The following TRPC4AP variants were observed in gnomAD, a reference collection of about 807,000 sequenced individuals.
The protein encoded by TRPC4AP is short transient receptor potential channel 4-associated protein.
A neutral mutation model predicts 99.0 loss-of-function variants in TRPC4AP; 45 were observed. The ratio of observed to expected loss-of-function variants is 0.45; its 90% CI spans 0.36 to 0.58. The LOEUF (loss-of-function observed/expected upper bound fraction) is 0.58. TRPC4AP is among the 20% of genes least tolerant of loss of function. The probability of loss-of-function intolerance (pLI) is 0.00; values close to 1 mark genes in which losing one functional copy is unlikely to be tolerated. For missense variants in TRPC4AP, 879 were observed against 985.3 expected (o/e 0.89, Z 1.44); for synonymous variants, 408 against 385.8 (o/e 1.06, Z -0.67).
intron 6 of TRPC4AP, 76 bp downstream of exon 6, chr20:35,049,790 G>A: frequency 1.1e-5 from 16 of 1,482,934 alleles, no homozygotes; most frequent in Non-Finnish European, 1.4e-5. Flanking sequence ...AAAAAGCTCT[G>A]TATATTATTC....
intron 1 of TRPC4AP, among the ~76,000 whole-genome samples, chr20:35,080,436 G>A (rs933086798): frequency 1.3e-5 from 2 of 151,696 alleles, no homozygotes; most frequent in Non-Finnish European, 2.9e-5. Flanking sequence ...AGGAGGCAGA[G>A]GTTGCAGTGA....
intron 10 of TRPC4AP, among the ~76,000 whole-genome samples, chr20:35,015,434 AG>A (rs926367982): frequency 2.7e-5 from 4 of 150,098 alleles, no homozygotes; most frequent in African/African-American, 9.8e-5. Flanking sequence ...TACAAGGGGA[AG>A]TTGGCTAGAG....
chr20:35,038,536 T>C (rs997293382), intron 7 of TRPC4AP, among the ~76,000 whole-genome samples: 15 of 152,158 alleles, frequency 9.9e-5, no homozygotes, highest in African/African-American at 3.6e-4. Flanking sequence ...CAAGATAAGT[T>C]TAATAAAAAG....
intron 7 of TRPC4AP, among the ~76,000 whole-genome samples, chr20:35,039,746 C>T (rs1410052761): frequency 1.3e-5 from 2 of 152,070 alleles, no homozygotes; most frequent in African/African-American, 4.8e-5. Context: ...TCTTGAAAGA[C>T]GTTACTTTCC....
At position 35,006,626 on chromosome 20, in the gene TRPC4AP, G is replaced by C. The variant is rs751488175; in HGVS notation, c.1687-51C>G. The C allele has an allele frequency of 2.5e-6, 4 of 1,594,864 alleles. No individual in the cohort carries two copies. In the African/African-American group the frequency reaches 4.0e-5, roughly 16 times the overall value. On this transcript the variant is annotated intron_variant, in intron 14 of 18. Transcript: ENST00000252015. ...GTGTCAACGTGGCTGCCCCCACCAG[G>C]GCCTGGCATGGAGCTCAGACCATGC...
At chr20:35,084,736 GTATATA>G (rs1402833468) in intron 1 of TRPC4AP, among the ~76,000 whole-genome samples, 1 of 144,206 alleles carries the variant, frequency 6.9e-6, no homozygotes, top group Non-Finnish European at 1.5e-5. Flanking sequence ...ATGTGTATAT[GTATATA>G]TGTTTATATG....
intron 7 of TRPC4AP, among the ~76,000 whole-genome samples, chr20:35,039,936 C>A (rs2083409064): frequency 6.6e-6 from 1 of 150,976 alleles, no homozygotes; most frequent in African/African-American, 2.4e-5. Flanking sequence ...TGTAAATTAT[C>A]TGAGCCCCAG....
At chr20:35,057,068 A>C (rs1381980498) in intron 4 of TRPC4AP, among the ~76,000 whole-genome samples, 1 of 152,012 alleles carries the variant, frequency 6.6e-6, no homozygotes, top group Non-Finnish European at 1.5e-5. Context: ...TTACCCATAT[A>C]TCTACCACCC....
intron 2 of TRPC4AP, among the ~76,000 whole-genome samples, chr20:35,071,452 C>G (rs1380936127): frequency 8.0e-6 from 1 of 125,280 alleles, no homozygotes; most frequent in East Asian, 2.9e-4. Context: ...CCATGCCAGG[C>G]CCTGGTGTGT....
chr20:35,054,845 T>C (rs559336188), intron 5 of TRPC4AP, 131 bp downstream of exon 5: 2 of 765,036 alleles, frequency 2.6e-6, no homozygotes, highest in Admixed American at 2.9e-5. Flanking sequence ...CAGGCACACA[T>C]AAAATAAGCC....
Position 35,021,205 on chromosome 20 carries a change from C to T in TRPC4AP, c.1203G>A (p.Gly401=), listed in dbSNP as rs758175776. ...VLYVLCVLLM[G]RQRNQVHRMI... ...AGGGGCCCACCTGGTTTCGCTGACG[C>T]CCCATCAGCAGCACGCAGAGGACAT... is the stretch of plus-strand genomic sequence containing the variant. Residue 401 remains glycine, a synonymous_variant, in exon 9 of 19, where the codon GGG becomes GGA. Transcript: ENST00000252015. 17 of 1,612,840 alleles carry T rather than the reference C, an allele frequency of 1.1e-5. No individual in the cohort carries two copies. In the South Asian group the frequency reaches 1.6e-4, roughly 16 times the overall value.
chr20:35,047,170 T>C (rs1468405834), intron 6 of TRPC4AP, among the ~76,000 whole-genome samples: 5 of 147,566 alleles, frequency 3.4e-5, no homozygotes, highest in Admixed American at 6.6e-5. Context: ...TGGCCAAGAA[T>C]TTACTTCTTA....
At chr20:35,019,740 A>C (rs1429969963) in intron 9 of TRPC4AP, among the ~76,000 whole-genome samples, 1 of 152,162 alleles carries the variant, frequency 6.6e-6, no homozygotes, top group Non-Finnish European at 1.5e-5. Flanking sequence ...TTTATTAAAA[A>C]CATGTTCCGT....
chr20:35,044,472 A>T (rs755172966), intron 7 of TRPC4AP, 33 bp downstream of exon 7: 3 of 1,597,364 alleles, frequency 1.9e-6, no homozygotes, highest in Non-Finnish European at 1.7e-6. Context: ...TCAGAGCTAT[A>T]ATCTCAAAAT....
rs192251783 is a variant in TRPC4AP, at chr20:35,028,404, C to T, written c.1051+6719G>A. ...ACCGCGCCCGGCCTCAAGACACTTC[C>T]TAATTTTGTTTGTGATCTCCTGTTT... is the stretch of plus-strand genomic sequence containing the variant. On this transcript the variant is annotated intron_variant, in intron 8 of 18. Coordinates refer to ENST00000252015, the MANE Select transcript of TRPC4AP (RefSeq NM_015638.3). Among the ~76,000 whole-genome samples, 3 of 152,030 alleles carry T rather than the reference C, an allele frequency of 2.0e-5. No individual in the cohort carries two copies. The East Asian group carries it at 5.8e-4, about 29-fold the overall frequency.
intron 5 of TRPC4AP, among the ~76,000 whole-genome samples, chr20:35,051,905 T>C (rs1215020284): frequency 1.6e-4 from 25 of 152,304 alleles, no homozygotes; most frequent in Non-Finnish European, 4.4e-5. Flanking sequence ...CTGACTAAAA[T>C]GACTCCTCTT....
intron 5 of TRPC4AP, among the ~76,000 whole-genome samples, chr20:35,053,460 T>C (rs996393851): frequency 7.9e-5 from 12 of 152,334 alleles, no homozygotes; most frequent in Admixed American, 5.9e-4. Flanking sequence ...GGAGTCATTA[T>C]ATTATACACT....
At chr20:35,046,517 G>A (rs1315492526) in intron 6 of TRPC4AP, among the ~76,000 whole-genome samples, 1 of 152,044 alleles carries the variant, frequency 6.6e-6, no homozygotes, top group Non-Finnish European at 1.5e-5. Context: ...TTTGATGAAG[G>A]CATATATCCT....
At chr20:35,044,801 G>T (rs2083522892) in intron 6 of TRPC4AP, 89 bp from the exon 7 acceptor site, 2 of 1,238,234 alleles carry the variant, frequency 1.6e-6, no homozygotes, top group Admixed American at 3.7e-5. Flanking sequence ...TACATACGGG[G>T]CTTAGTGGCT....
Sources: allele counts gnomAD v4.1 joint callset (sites outside exome capture counted in the v4.1 genomes callset), GRCh38; gene constraint gnomAD v4.1.1; transcripts MANE v1.5; gene names NCBI Gene and HGNC (gene_info 2026-07-23, HGNC 2026-07-21).